The following ANKRD30BL variants were observed in gnomAD, a reference collection of about 807,000 sequenced individuals.
ANKRD30BL encodes ankyrin repeat domain 30B like.
Under a neutral mutation model 18.4 loss-of-function variants are expected in ANKRD30BL, and 20 were observed. The ratio of observed to expected loss-of-function variants is 1.09; its 90% CI spans 0.77 to 1.58. The LOEUF (loss-of-function observed/expected upper bound fraction) is 1.58, where lower values mean the gene tolerates loss of function less well. ANKRD30BL is among the 40% of genes most tolerant of loss of function. The probability of loss-of-function intolerance (pLI) is 0.00; values close to 1 mark genes in which losing one functional copy is unlikely to be tolerated. For synonymous variants in ANKRD30BL, 72 were observed against 100.9 expected, an observed-to-expected ratio of 0.71 and a Z score of 1.72; for missense variants, 224 against 268.6, an observed-to-expected ratio of 0.83 and a Z score of 1.16.
intron 1 of ANKRD30BL, among the ~76,000 whole-genome samples, chr2:132,214,855 GA>G (rs1357982561): frequency 1.3e-5 from 2 of 151,812 alleles, no homozygotes; most frequent in Non-Finnish European, 2.9e-5. Flanking sequence ...ATAAAAACTA[GA>G]CAGAAGCTTT....
chr2:132,237,072 C>A (rs1459838852), intron 1 of ANKRD30BL, among the ~76,000 whole-genome samples: 1 of 150,996 alleles, frequency 6.6e-6, no homozygotes, highest in Non-Finnish European at 1.5e-5. Flanking sequence ...GGGAATTGAG[C>A]AATGAGATCA....
chr2:132,237,525 T>C (rs1245024416), intron 1 of ANKRD30BL, among the ~76,000 whole-genome samples: 1 of 152,048 alleles, frequency 6.6e-6, no homozygotes, highest in Non-Finnish European at 1.5e-5. Flanking sequence ...TGAAATTTTC[T>C]TTTGATAGAG....
At chr2:132,234,235 A>C (rs1212254421) in intron 1 of ANKRD30BL, among the ~76,000 whole-genome samples, 1 of 152,136 alleles carries the variant, frequency 6.6e-6, no homozygotes, top group Non-Finnish European at 1.5e-5. Flanking sequence ...GAGAAAGAAG[A>C]AAAGATAAAA....
At chr2:132,217,169 C>A (rs977528621) in intron 1 of ANKRD30BL, among the ~76,000 whole-genome samples, 2 of 151,832 alleles carry the variant, frequency 1.3e-5, no homozygotes, top group African/African-American at 2.4e-5. Flanking sequence ...GTTGGACACA[C>A]TTTATCATAG....
At chr2:132,165,025 G>C (rs540324115), upstream of ANKRD30BL, among the ~76,000 whole-genome samples, 3 of 152,106 alleles carry the variant, frequency 2.0e-5, no homozygotes, top group Non-Finnish European at 4.4e-5. Context: ...AGTGAGCCGA[G>C]ATCGTGCCAC....
At chr2:132,196,311 T>C (rs1281528850) in intron 1 of ANKRD30BL, among the ~76,000 whole-genome samples, 2 of 151,926 alleles carry the variant, frequency 1.3e-5, no homozygotes, top group Non-Finnish European at 2.9e-5. Context: ...AAACCATAGC[T>C]GGGAATGGTG....
At position 132,159,027 on chromosome 2, in the gene ANKRD30BL, T is replaced by C. The variant is rs565708142; in HGVS notation, c.219-1604A>G. On this transcript the variant is annotated intron_variant, in intron 1 of 5. Coordinates refer to ENST00000409867, the MANE Select transcript of ANKRD30BL (RefSeq NM_001358416.1). ...CTTTTTCTAATAGCATTGTACATGC[T>C]CAATGTGGAAATCAAAGATAATAAA... Among the ~76,000 whole-genome samples, 168 of 152,112 alleles carry C rather than the reference T, an allele frequency of 1.1e-3. 1 individual carries two copies. The highest frequency in any genetic ancestry group is 3.8e-3 in the African/African-American group (157 of 41,560).
intron 4 of ANKRD30BL, among the ~76,000 whole-genome samples, chr2:132,153,974 G>A (rs968934031): frequency 6.6e-6 from 1 of 152,154 alleles, no homozygotes; most frequent in African/African-American, 2.4e-5. Context: ...TTTAAGTGAA[G>A]AATTATCTAT....
intron 1 of ANKRD30BL, among the ~76,000 whole-genome samples, chr2:132,167,087 T>C (rs1007262558): frequency 1.3e-5 from 2 of 151,058 alleles, no homozygotes; most frequent in Admixed American, 6.6e-5. Flanking sequence ...AATTTTTCAA[T>C]TCTTCCTGCT....
chr2:132,185,419 T>C lies in ANKRD30BL; in HGVS notation n.442-28273A>G, dbSNP rs547503229. Reference sequence around the variant, plus strand: ...TTCCTTTCTGTGCTGTTTTATTTTTTCTCCCCCAGTATTTTTCTAATTAGA... The same window carrying C: ...TTCCTTTCTGTGCTGTTTTATTTTTCCTCCCCCAGTATTTTTCTAATTAGA... On this transcript the variant is annotated intron_variant and non_coding_transcript_variant, in intron 1 of 4. Transcript: ENST00000470729. Among the ~76,000 whole-genome samples the C allele has an allele frequency of 1.6e-3, 238 of 152,244 alleles. 1 individual carries two copies. Among genetic ancestry groups the C allele is most frequent in the African/African-American group, 5.4e-3 (225 of 41,538 alleles).
chr2:132,205,556 A>G (rs201628078), intron 1 of ANKRD30BL, among the ~76,000 whole-genome samples: 693 of 136,668 alleles, frequency 5.1e-3, no homozygotes, highest in African/African-American at 0.017. Flanking sequence ...AGCTGAGATC[A>G]CACTGTTGCA....
intron 1 of ANKRD30BL, among the ~76,000 whole-genome samples, chr2:132,218,658 C>A (rs1312982587): frequency 3.9e-5 from 6 of 152,220 alleles, no homozygotes; most frequent in Non-Finnish European, 7.3e-5. Context: ...CAGAAGCATT[C>A]TCAGAAACTT....
At chr2:132,179,806 G>A (rs10175567) in intron 1 of ANKRD30BL, among the ~76,000 whole-genome samples, 80,693 of 151,206 alleles carry the variant, frequency 0.53, 21,795 homozygotes, top group African/African-American at 0.61. Flanking sequence ...ACCCTGTATA[G>A]GCCTAAACTA....
chr2:132,224,991 A>G (rs1573863390), intron 1 of ANKRD30BL, among the ~76,000 whole-genome samples: 1 of 151,870 alleles, frequency 6.6e-6, no homozygotes, highest in Non-Finnish European at 1.5e-5. Flanking sequence ...TCACATAAAA[A>G]CTAGACAGAA....
intron 1 of ANKRD30BL, among the ~76,000 whole-genome samples, chr2:132,252,558 T>TGGGGGGGGGGGGGGGGGGGGGG (rs1680682213): frequency 1.6e-5 from 1 of 63,518 alleles, no homozygotes; most frequent in Non-Finnish European, 3.4e-5. Flanking sequence ...AGGGGGTGGG[T>TGGGGGGGGGGGGGGGGGGGGGG]GGGCGAGGAG....
intron 1 of ANKRD30BL, among the ~76,000 whole-genome samples, chr2:132,243,700 CT>C (rs1195603613): frequency 1.5e-4 from 22 of 151,212 alleles, no homozygotes; most frequent in African/African-American, 5.3e-4. Flanking sequence ...GATATTTTGA[CT>C]GCTTTGACGT....
At chr2:132,211,124 A>C (rs1023538678) in intron 1 of ANKRD30BL, among the ~76,000 whole-genome samples, 3 of 152,048 alleles carry the variant, frequency 2.0e-5, no homozygotes, top group Non-Finnish European at 2.9e-5. Flanking sequence ...CACAGTGCTT[A>C]ACATTTCTTT....
chr2:132,221,182 G>A lies in ANKRD30BL; in HGVS notation n.441+36347C>T, dbSNP rs915497967. ...TCCGCCCGGCAGCCACCCCATCCGC[G>A]AGGGAGGTGGGGGGGGGTCAGCCCC... On this transcript the variant is annotated intron_variant and non_coding_transcript_variant, in intron 1 of 4. Coordinates refer to the ANKRD30BL transcript ENST00000470729. Among the ~76,000 whole-genome samples, 25 of 145,110 alleles carry A rather than the reference G, an allele frequency of 1.7e-4. 4 individuals are homozygous for A. The highest frequency in any genetic ancestry group is 5.1e-4 in the African/African-American group (18 of 35,258).
intron 1 of ANKRD30BL, among the ~76,000 whole-genome samples, chr2:132,202,154 A>C (rs1558930276): frequency 6.9e-6 from 1 of 145,562 alleles, no homozygotes; most frequent in Non-Finnish European, 1.5e-5. Flanking sequence ...GGGTGGAGGC[A>C]GGGGGGAGGG....
Sources: gnomAD v4.1 joint callset for allele counts (sites outside exome capture counted in the v4.1 genomes callset) on GRCh38, gnomAD v4.1.1 for gene constraint, MANE v1.5 for transcripts, NCBI Gene and HGNC (gene_info 2026-07-23, HGNC 2026-07-21) for gene names.